LRGUK: variants seen among roughly 807,000 people sequenced by gnomAD.
LRGUK encodes the protein leucine rich repeats and guanylate kinase domain containing, also known as leucine-rich repeat and guanylate kinase domain-containing protein.
LRGUK carries 65 observed loss-of-function variants against 76.0 expected under a neutral mutation model. The observed-to-expected ratio is 0.85, with a 90% CI of 0.70 to 1.05. The LOEUF (loss-of-function observed/expected upper bound fraction) is 1.05. LRGUK is among the 50% of genes least tolerant of loss of function. LRGUK has a pLI of 0.00. For missense variants in LRGUK, 758 were observed against 732.8 expected, an observed-to-expected ratio of 1.03 and a Z score of -0.40; for synonymous variants, 268 against 265.6, an observed-to-expected ratio of 1.01 and a Z score of -0.09.
chr7:134,160,028 C>T (rs1027508302), intron 6 of LRGUK, among the ~76,000 whole-genome samples: 13 of 152,130 alleles, frequency 8.5e-5, no homozygotes, highest in African/African-American at 2.2e-4. Context: ...TTAAAATTTA[C>T]GACAATCTGA....
intron 11 of LRGUK, among the ~76,000 whole-genome samples, chr7:134,184,106 A>G (rs2117023366): frequency 6.6e-6 from 1 of 152,298 alleles, no homozygotes; most frequent in Non-Finnish European, 1.5e-5. Flanking sequence ...CCTTGATGGT[A>G]AATTATTGAT....
intron 15 of LRGUK, among the ~76,000 whole-genome samples, chr7:134,203,412 G>A (rs1476966596): frequency 2.6e-4 from 39 of 152,216 alleles, no homozygotes; most frequent in Non-Finnish European, 7.4e-5. Flanking sequence ...TGTTTACCAG[G>A]TTGCATCCTG....
chr7:134,162,633 C>A (rs1396154415), intron 6 of LRGUK, among the ~76,000 whole-genome samples: 1 of 152,016 alleles, frequency 6.6e-6, no homozygotes, highest in Admixed American at 6.6e-5. Context: ...TTAAGACCAG[C>A]CTGGCCAACA....
At chr7:134,180,321 CAT>C (rs1799687100) in intron 10 of LRGUK, among the ~76,000 whole-genome samples, 1 of 151,874 alleles carries the variant, frequency 6.6e-6, no homozygotes, top group Non-Finnish European at 1.5e-5. Context: ...TCCATCCATC[CAT>C]CCATCCATCC....
chr7:134,179,687 A>G (rs1188660150), intron 10 of LRGUK, among the ~76,000 whole-genome samples: 1 of 152,224 alleles, frequency 6.6e-6, no homozygotes, highest in Non-Finnish European at 1.5e-5. Flanking sequence ...AAAAACATAT[A>G]TCAAGGAAAT....
chr7:134,152,357 A>C (rs1256334785), intron 5 of LRGUK, among the ~76,000 whole-genome samples: 1 of 152,072 alleles, frequency 6.6e-6, no homozygotes, highest in Non-Finnish European at 1.5e-5. Context: ...AACTCTATTT[A>C]AGGGTGTTGA....
chr7:134,269,925 G>T, the LRGUK span, among the ~76,000 whole-genome samples: 1 of 152,070 alleles, frequency 6.6e-6, no homozygotes, highest in African/African-American at 2.4e-5. Flanking sequence ...TAAAAGTCTA[G>T]GAATACAGGG....
chr7:134,176,561 T>G (rs1402893619), intron 8 of LRGUK, among the ~76,000 whole-genome samples: 2 of 151,984 alleles, frequency 1.3e-5, no homozygotes, highest in African/African-American at 4.8e-5. Flanking sequence ...TTTGTATTTT[T>G]AGTAGAGACA....
intron 10 of LRGUK, among the ~76,000 whole-genome samples, chr7:134,182,820 GGC>G (rs1242422254): frequency 6.6e-6 from 1 of 152,124 alleles, no homozygotes; most frequent in Non-Finnish European, 1.5e-5. Flanking sequence ...GGAGTACAAT[GGC>G]GCCATCTCGG....
downstream of LRGUK, among the ~76,000 whole-genome samples, chr7:134,265,906 C>T (rs903836235): frequency 6.6e-6 from 1 of 152,188 alleles, no homozygotes; most frequent in African/African-American, 2.4e-5. Flanking sequence ...AACCCACATC[C>T]CTGCAGTGTC....
At chr7:134,166,362 T>C (rs965733892) in intron 7 of LRGUK, among the ~76,000 whole-genome samples, 1 of 152,164 alleles carries the variant, frequency 6.6e-6, no homozygotes, top group Non-Finnish European at 1.5e-5. Context: ...CTCTACTCTG[T>C]AGTCTTGTTA....
At chr7:134,252,424 A>G (rs947201927) in intron 18 of LRGUK, among the ~76,000 whole-genome samples, 5 of 152,198 alleles carry the variant, frequency 3.3e-5, no homozygotes, top group African/African-American at 4.8e-5. Flanking sequence ...GCTGTCGTCC[A>G]ACAAAAAGAA....
chr7:134,254,432 G>A (rs562741617), intron 18 of LRGUK, among the ~76,000 whole-genome samples: 96 of 152,188 alleles, frequency 6.3e-4, no homozygotes, highest in African/African-American at 2.2e-3. Context: ...TCCCAGTTCC[G>A]GAGGCTGGGA....
intron 18 of LRGUK, among the ~76,000 whole-genome samples, chr7:134,256,353 G>A (rs1802578374): frequency 6.6e-6 from 1 of 151,808 alleles, no homozygotes; most frequent in South Asian, 2.1e-4. Flanking sequence ...CAGCTACTCG[G>A]GAGGCTGAGG....
At chr7:134,171,394 T>A (rs1799241372) in intron 7 of LRGUK, among the ~76,000 whole-genome samples, 1 of 151,720 alleles carries the variant, frequency 6.6e-6, no homozygotes, top group Non-Finnish European at 1.5e-5. Flanking sequence ...ACGACAAATA[T>A]ATATATGTGT....
chr7:134,235,511 G>A (rs192497172), intron 16 of LRGUK, among the ~76,000 whole-genome samples: 3 of 152,082 alleles, frequency 2.0e-5, no homozygotes, highest in African/African-American at 7.2e-5. Context: ...TCCTTCCTTG[G>A]CCCTCCCTAG....
chr7:134,203,796 A>G (rs1054859433), intron 15 of LRGUK, among the ~76,000 whole-genome samples: 3 of 152,148 alleles, frequency 2.0e-5, no homozygotes, highest in African/African-American at 7.2e-5. Context: ...GTTCTTTAGA[A>G]AGCCATCTCT....
chr7:134,172,305 AT>A (rs1216337539), intron 7 of LRGUK, among the ~76,000 whole-genome samples: 1 of 152,066 alleles, frequency 6.6e-6, no homozygotes, highest in East Asian at 1.9e-4. Flanking sequence ...CTTGTATCTA[AT>A]TTTTTTACAA....
chr7:134,261,657 T>G (rs1802731861), intron 19 of LRGUK, among the ~76,000 whole-genome samples: 1 of 152,214 alleles, frequency 6.6e-6, no homozygotes, highest in South Asian at 2.1e-4. Context: ...GAAACTTTGA[T>G]AAGTGCCCTG....
Sources: gnomAD v4.1 joint callset for allele counts (sites outside exome capture counted in the v4.1 genomes callset) on GRCh38, gnomAD v4.1.1 for gene constraint, MANE v1.5 for transcripts, NCBI Gene and HGNC (gene_info 2026-07-23, HGNC 2026-07-21) for gene names.